The following ZNF254 variants were observed in gnomAD, a reference collection of about 807,000 sequenced individuals.
ZNF254 encodes the protein CTD-2017D11.1.
Under a neutral mutation model 12.4 loss-of-function variants are expected in ZNF254, and 10 were observed. The ratio of observed to expected loss-of-function variants is 0.80; its 90% CI spans 0.50 to 1.36. ZNF254 has a LOEUF of 1.36. Ranked by LOEUF, ZNF254 falls within the 40% of genes most tolerant of loss-of-function variation. The probability of loss-of-function intolerance (pLI) is 0.00; values close to 1 mark genes in which losing one functional copy is unlikely to be tolerated. For missense variants in ZNF254, 996 were observed against 763.9 expected (o/e 1.30, Z -3.58); for synonymous variants, 305 against 253.4 (o/e 1.20, Z -1.93).
At chr19:24,085,080 C>T (rs1361045158), upstream of ZNF254, among the ~76,000 whole-genome samples, 2 of 151,238 alleles carry the variant, frequency 1.3e-5, no homozygotes, top group Admixed American at 6.6e-5. Context: ...TACAGGCACG[C>T]GCCACCACGC....
intron 1 of ZNF254, among the ~76,000 whole-genome samples, chr19:24,041,768 G>C (rs1784265984): frequency 6.6e-6 from 1 of 152,286 alleles, no homozygotes; most frequent in African/African-American, 2.4e-5. Flanking sequence ...GGTGAAGCCA[G>C]CTGGGCTCCT....
rs1331602216 is a variant in ZNF254 at position 24,097,786 on chromosome 19, A to G, written c.31-8154A>G. Among the ~76,000 whole-genome samples the G allele has an allele frequency of 4.3e-5, 4 of 92,282 alleles. No homozygotes were observed. In the East Asian group the frequency reaches 1.1e-3, roughly 25 times the overall value. 60.5% of individuals were successfully genotyped at this position (92,282 alleles called of 152,430 possible). ...ACAAAAGCAAAACTCTATCTCAAAA[A>G]TAAAATAAAATAAAATAAAATAAAA... On this transcript the variant is annotated intron_variant, in intron 1 of 3. Transcript: ENST00000357002.
chr19:24,071,539 G>A (rs182756018), intron 2 of ZNF254, among the ~76,000 whole-genome samples: 2 of 152,328 alleles, frequency 1.3e-5, no homozygotes, highest in East Asian at 3.9e-4. Flanking sequence ...TTCTACGTGA[G>A]CCTCACCCAC....
chr19:24,129,895 A>G lies in ZNF254; in HGVS notation c.*1915A>G, dbSNP rs1461357306. The G allele has an allele frequency of 6.6e-6, 1 of 152,090 alleles. No homozygotes were observed. Among genetic ancestry groups the G allele is most frequent in the Non-Finnish European group, 1.5e-5 (1 of 68,002 alleles). The allele number at this position is 152,090 out of a possible 1,614,324, so 9.4% of individuals were successfully genotyped here. ...ATGTGACCTTTGCCTGCAAGCACATATGGACTCTTAGAATTGATTTACATA... is the reference window on the plus strand; with the variant it reads ...ATGTGACCTTTGCCTGCAAGCACATGTGGACTCTTAGAATTGATTTACATA... On this transcript the variant is annotated 3_prime_UTR_variant, in exon 4 of 4. Transcript: ENST00000357002.
intron 3 of ZNF254, among the ~76,000 whole-genome samples, chr19:24,112,685 C>A (rs1973763317): frequency 6.6e-6 from 1 of 151,958 alleles, no homozygotes; most frequent in African/African-American, 2.4e-5. Flanking sequence ...AAGTTGGATT[C>A]CTAGGTATTT....
intron 1 of ZNF254, among the ~76,000 whole-genome samples, chr19:24,092,516 C>T (rs1163854680): frequency 3.3e-5 from 5 of 152,044 alleles, no homozygotes; most frequent in Non-Finnish European, 7.4e-5. Context: ...CCTGGGACTA[C>T]AGGCATGCAC....
intron 2 of ZNF254, among the ~76,000 whole-genome samples, chr19:24,046,800 AG>A (rs1970407444): frequency 6.6e-6 from 1 of 151,504 alleles, no homozygotes; most frequent in African/African-American, 2.4e-5. Flanking sequence ...GGCTTCACCC[AG>A]TGCTGATTTC....
intron 2 of ZNF254, among the ~76,000 whole-genome samples, chr19:24,075,413 A>T (rs1340549700): frequency 1.3e-5 from 2 of 152,242 alleles, no homozygotes; most frequent in Non-Finnish European, 2.9e-5. Context: ...GAAAGAGTAC[A>T]AAAGAAATAA....
At chr19:24,041,991 G>A (rs1341136721) in intron 1 of ZNF254, among the ~76,000 whole-genome samples, 2 of 139,272 alleles carry the variant, frequency 1.4e-5, no homozygotes, top group African/African-American at 5.3e-5. Context: ...GTTTGTGAGT[G>A]CACCAGTCGA....
chr19:24,040,590 C>T (rs950961033), intron 1 of ZNF254, among the ~76,000 whole-genome samples: 5 of 152,182 alleles, frequency 3.3e-5, no homozygotes, highest in Admixed American at 6.5e-5. Context: ...CTAAATCCTA[C>T]TGGGAATTAT....
chr19:24,081,403 A>G (rs1488347079), intron 2 of ZNF254, among the ~76,000 whole-genome samples: 2 of 152,186 alleles, frequency 1.3e-5, no homozygotes, highest in African/African-American at 4.8e-5. Context: ...ACACCAGTGG[A>G]TGACAGGGGA....
intron 1 of ZNF254, among the ~76,000 whole-genome samples, chr19:24,092,322 A>G (rs1256063777): frequency 6.7e-6 from 1 of 150,288 alleles, no homozygotes; most frequent in African/African-American, 2.5e-5. Flanking sequence ...ACCCACCACC[A>G]CCATGCCCAG....
Position 24,126,991 on chromosome 19 carries a change from T to C in ZNF254, c.991T>C (p.Phe331Leu). ...PYKCEECGKA[F>L]IWSSTLTRHK... ...CAAGTGTGAAGAATGTGGCAAAGCA[T>C]TTATATGGTCCTCAACACTAACTAG... Residue 331 changes from phenylalanine to leucine, a missense_variant, in exon 4 of 4, where the codon TTT (phenylalanine) becomes CTT (leucine). Transcript: ENST00000357002. 1 of 1,613,674 alleles carries C rather than the reference T, an allele frequency of 6.2e-7. No homozygotes were observed. The highest frequency in any genetic ancestry group is 8.5e-7 in the Non-Finnish European group (1 of 1,179,814).
At chr19:24,059,303 T>C (rs1970982632) in intron 2 of ZNF254, among the ~76,000 whole-genome samples, 1 of 152,224 alleles carries the variant, frequency 6.6e-6, no homozygotes, top group Non-Finnish European at 1.5e-5. Context: ...CTAGGTGATG[T>C]CTTCCTGAGA....
chr19:24,066,900 C>CA (rs1047477131), intron 2 of ZNF254: 34 of 150,928 alleles, frequency 2.3e-4, no homozygotes, highest in African/African-American at 5.3e-4. Flanking sequence ...ACTCCATCTC[C>CA]AAAAAAAATA....
chr19:24,067,729 G>T (rs558229804), intron 2 of ZNF254, among the ~76,000 whole-genome samples: 1 of 151,700 alleles, frequency 6.6e-6, no homozygotes, highest in African/African-American at 2.4e-5. Flanking sequence ...GACCAAAAAG[G>T]GATTGTGATG....
At chr19:24,116,998 G>A (rs949324211) in intron 3 of ZNF254, among the ~76,000 whole-genome samples, 44 of 152,238 alleles carry the variant, frequency 2.9e-4, no homozygotes, top group Non-Finnish European at 5.9e-4. Flanking sequence ...AGCAGTGGCT[G>A]CAGAACAGCT....
intron 1 of ZNF254, among the ~76,000 whole-genome samples, chr19:24,045,743 G>A (rs1568424161): frequency 6.6e-6 from 1 of 151,416 alleles, no homozygotes; most frequent in Non-Finnish European, 1.5e-5. Flanking sequence ...GCCATCTCTC[G>A]GTCGCTGGCA....
chr19:24,046,371 T>TATATATATATATATATA (rs1970381916), intron 2 of ZNF254: 1 of 51,396 alleles, frequency 1.9e-5, no homozygotes, highest in African/African-American at 7.9e-5. Flanking sequence ...TTTTATTATT[T>TATATATATATATATATA]TTTATATATA....
Sources: gnomAD v4.1 joint callset for allele counts (sites outside exome capture counted in the v4.1 genomes callset) on GRCh38, gnomAD v4.1.1 for gene constraint, MANE v1.5 for transcripts, NCBI Gene and HGNC (gene_info 2026-07-23, HGNC 2026-07-21) for gene names.